TRMT11: variants seen among roughly 807,000 people sequenced by gnomAD.
The protein encoded by TRMT11 is tRNA methyltransferase 11, also known as tRNA (guanine(10)-N(2))-methyltransferase TRMT11.
A neutral mutation model predicts 62.8 loss-of-function variants in TRMT11; 53 were observed. The ratio of observed to expected loss-of-function variants is 0.84; its 90% CI spans 0.68 to 1.06. The LOEUF is 1.06. Ranked by LOEUF, TRMT11 falls within the 50% of genes least tolerant of loss-of-function variation. The pLI is 0.00. For synonymous variants in TRMT11, 188 were observed against 190.3 expected, an observed-to-expected ratio of 0.99 and a Z score of 0.10; for missense variants, 556 against 553.4, an observed-to-expected ratio of 1.00 and a Z score of -0.05.
At chr6:126,054,730 AG>A (rs2128115477) in intron 17 of TRMT11, among the ~76,000 whole-genome samples, 1 of 152,358 alleles carries the variant, frequency 6.6e-6, no homozygotes, top group African/African-American at 2.4e-5. Context: ...ATATACATAA[AG>A]GATATTTTAC....
chr6:126,158,863 C>T (rs1221950541), intron 21 of TRMT11, among the ~76,000 whole-genome samples: 1 of 152,156 alleles, frequency 6.6e-6, no homozygotes, highest in African/African-American at 2.4e-5. Context: ...CTTTTGGATG[C>T]TCTTGAAATG....
intron 2 of TRMT11, chr6:126,198,878 A>G (rs1778702075): frequency 6.6e-6 from 1 of 152,210 alleles, no homozygotes; most frequent in African/African-American, 2.4e-5. Context: ...TCCAAAATGT[A>G]AGCAGCACAA....
At chr6:126,151,911 C>CTTTCTTTCT (rs1778058929) in intron 21 of TRMT11, among the ~76,000 whole-genome samples, 2 of 73,892 alleles carry the variant, frequency 2.7e-5, no homozygotes, top group African/African-American at 1.5e-4. Context: ...TTTTCTCTTT[C>CTTTCTTTCT]TTTCTTTCTT....
intron 21 of TRMT11, among the ~76,000 whole-genome samples, chr6:126,142,530 A>G (rs1441864289): frequency 1.3e-5 from 2 of 152,140 alleles, no homozygotes; most frequent in African/African-American, 4.8e-5. Context: ...ATGAATTTAT[A>G]GTCAGAAAAC....
chr6:126,234,393 AAAAT>A, the TRMT11 span, among the ~76,000 whole-genome samples: 2 of 152,096 alleles, frequency 1.3e-5, no homozygotes, highest in Non-Finnish European at 2.9e-5. Flanking sequence ...TTTAAAGTTT[AAAAT>A]AAATAAATTT....
intron 17 of TRMT11, among the ~76,000 whole-genome samples, chr6:126,083,597 A>C (rs928821406): frequency 4.6e-5 from 7 of 152,198 alleles, no homozygotes; most frequent in Admixed American, 3.9e-4. Flanking sequence ...ACATCAGCTC[A>C]CACACTTTGC....
the TRMT11 span, chr6:126,258,060 TC>T: frequency 1.7e-6 from 2 of 1,201,292 alleles, no homozygotes; most frequent in Non-Finnish European, 2.5e-6. Context: ...ACTCTCCATG[TC>T]CAGGAGTTCA....
chr6:126,132,668 A>G (rs1777798870), intron 21 of TRMT11, among the ~76,000 whole-genome samples: 2 of 152,044 alleles, frequency 1.3e-5, no homozygotes. Flanking sequence ...TGATTGCAGT[A>G]GTAGATTATA....
At chr6:125,987,803 G>A (rs915626171) in intron 1 of TRMT11, among the ~76,000 whole-genome samples, 2 of 152,158 alleles carry the variant, frequency 1.3e-5, no homozygotes. Flanking sequence ...GAGAACATAG[G>A]CAGATGTAAG....
chr6:126,020,356 C>G (rs188135275), intron 11 of TRMT11, among the ~76,000 whole-genome samples: 7 of 152,354 alleles, frequency 4.6e-5, no homozygotes, highest in Non-Finnish European at 4.4e-5. Context: ...CTTTCACATT[C>G]TGTTCCATAG....
intron 17 of TRMT11, among the ~76,000 whole-genome samples, chr6:126,105,244 T>C (rs1777450711): frequency 6.6e-6 from 1 of 152,156 alleles, no homozygotes; most frequent in South Asian, 2.1e-4. Flanking sequence ...TTTATGAGCT[T>C]TCTTCATTCT....
intron 17 of TRMT11, among the ~76,000 whole-genome samples, chr6:126,081,275 A>C (rs1345267477): frequency 2.6e-5 from 4 of 152,210 alleles, no homozygotes; most frequent in Non-Finnish European, 2.9e-5. Flanking sequence ...ACCAATATGC[A>C]AAGGCCACTG....
the TRMT11 span, among the ~76,000 whole-genome samples, chr6:126,247,173 C>T: frequency 6.6e-6 from 1 of 152,202 alleles, no homozygotes; most frequent in Non-Finnish European, 1.5e-5. Context: ...GGGCTCAAAG[C>T]TTACAATCCA....
At chr6:126,090,260 A>G (rs1030976768) in intron 17 of TRMT11, among the ~76,000 whole-genome samples, 34 of 152,204 alleles carry the variant, frequency 2.2e-4, no homozygotes, top group African/African-American at 7.7e-4. Context: ...TCTTTGGTGC[A>G]GGACTGTTTT....
intron 1 of TRMT11, among the ~76,000 whole-genome samples, chr6:126,179,234 T>C (rs1562342047): frequency 6.6e-6 from 1 of 152,180 alleles, no homozygotes; most frequent in Non-Finnish European, 1.5e-5. Flanking sequence ...ATTAAGTGAA[T>C]TACTGCTTAT....
chr6:126,038,436 G>T (rs1775570478), intron 12 of TRMT11, among the ~76,000 whole-genome samples: 1 of 37,298 alleles, frequency 2.7e-5, no homozygotes, highest in Admixed American at 2.9e-4. Context: ...TTGCCCTGAG[G>T]CAAAAAAAAA....
At chr6:126,069,672 G>A (rs994402100) in intron 17 of TRMT11, among the ~76,000 whole-genome samples, 5 of 152,128 alleles carry the variant, frequency 3.3e-5, no homozygotes, top group Admixed American at 6.6e-5. Context: ...AGTTGCTGCC[G>A]CCAGCAGAGT....
At chr6:126,150,844 T>G (rs1215238595) in intron 21 of TRMT11, among the ~76,000 whole-genome samples, 1 of 152,236 alleles carries the variant, frequency 6.6e-6, no homozygotes, top group Non-Finnish European at 1.5e-5. Context: ...GGAAGGAATG[T>G]TCTATTCCTT....
Position 126,023,855 on chromosome 6 carries a change from G to A in TRMT11, c.1260+2575G>A, listed in dbSNP as rs112821452. ...GCCAGTTATATTTGTTACAGTAATTGTGTAATCTACTTAAATACTAGTTAG... is the reference window on the plus strand; with the variant it reads ...GCCAGTTATATTTGTTACAGTAATTATGTAATCTACTTAAATACTAGTTAG... On this transcript the variant is annotated intron_variant, in intron 12 of 12. Transcript: ENST00000334379. Among the ~76,000 whole-genome samples, 1,266 of 152,182 alleles carry A rather than the reference G, an allele frequency of 8.3e-3. 12 individuals are homozygous for A. Among genetic ancestry groups the A allele is most frequent in the African/African-American group, 0.028 (1,163 of 41,498 alleles).
Sources: allele counts gnomAD v4.1 joint callset (sites outside exome capture counted in the v4.1 genomes callset), GRCh38; gene constraint gnomAD v4.1.1; transcripts MANE v1.5; gene names NCBI Gene and HGNC (gene_info 2026-07-23, HGNC 2026-07-21).